AGBL4: variants seen among roughly 807,000 people sequenced by gnomAD.
AGBL4 encodes the protein cytosolic carboxypeptidase 6.
A neutral mutation model predicts 66.4 loss-of-function variants in AGBL4; 58 were observed. The ratio of observed to expected loss-of-function variants is 0.87; its 90% CI spans 0.71 to 1.09. The LOEUF is 1.09. Ranked by LOEUF, AGBL4 falls within the 50% of genes least tolerant of loss-of-function variation. The pLI, the probability that AGBL4 is intolerant of heterozygous loss-of-function variation, is 0.00. For synonymous variants in AGBL4, 234 were observed against 222.9 expected (o/e 1.05, Z -0.44); for missense variants, 579 against 631.0 (o/e 0.92, Z 0.88).
At chr1:49,323,148 T>C (rs1236304881) in intron 3 of AGBL4, among the ~76,000 whole-genome samples, 3 of 152,206 alleles carry the variant, frequency 2.0e-5, no homozygotes, top group Non-Finnish European at 4.4e-5. Context: ...TGGTCCACCA[T>C]TACAATGACT....
intron 6 of AGBL4, among the ~76,000 whole-genome samples, chr1:48,832,160 C>T (rs941725531): frequency 6.6e-6 from 1 of 152,102 alleles, no homozygotes; most frequent in African/African-American, 2.4e-5. Context: ...TCCTTGCTCC[C>T]CAGAGCCCTT....
intron 2 of AGBL4, among the ~76,000 whole-genome samples, chr1:49,816,736 G>A (rs1200678326): frequency 3.3e-5 from 5 of 152,172 alleles, no homozygotes; most frequent in Non-Finnish European, 5.9e-5. Flanking sequence ...CTAGTGACCA[G>A]GGTTTGTCTC....
chr1:48,642,373 G>C (rs1290344966), intron 8 of AGBL4, among the ~76,000 whole-genome samples: 1 of 152,170 alleles, frequency 6.6e-6, no homozygotes, highest in Non-Finnish European at 1.5e-5. Flanking sequence ...TGGGTAATGA[G>C]AGGCTTTAGA....
chr1:49,277,462 G>A (rs1205591859), intron 3 of AGBL4, among the ~76,000 whole-genome samples: 1 of 151,924 alleles, frequency 6.6e-6, no homozygotes, highest in Admixed American at 6.6e-5. Context: ...AGTCTTAGGA[G>A]GCATAAACCT....
At chr1:48,679,888 T>G (rs1646427403) in intron 6 of AGBL4, among the ~76,000 whole-genome samples, 1 of 152,256 alleles carries the variant, frequency 6.6e-6, no homozygotes, top group Non-Finnish European at 1.5e-5. Context: ...GAGGCCGCCG[T>G]GTGTCCCAGC....
At chr1:49,365,941 G>C (rs1169634073) in intron 3 of AGBL4, among the ~76,000 whole-genome samples, 1 of 152,104 alleles carries the variant, frequency 6.6e-6, no homozygotes, top group Non-Finnish European at 1.5e-5. Flanking sequence ...CTGTAAAAGA[G>C]CACTGAATGA....
chr1:48,794,670 T>G (rs1645627371), intron 6 of AGBL4, among the ~76,000 whole-genome samples: 1 of 152,196 alleles, frequency 6.6e-6, no homozygotes, highest in African/African-American at 2.4e-5. Context: ...TCAGTAATCT[T>G]TAAGTTCTTT....
intron 2 of AGBL4, among the ~76,000 whole-genome samples, chr1:49,747,020 A>T (rs376826592): frequency 6.6e-6 from 1 of 152,202 alleles, no homozygotes; most frequent in South Asian, 2.1e-4. Context: ...CTCTGCTCAC[A>T]TATCTCACAA....
intron 2 of AGBL4, among the ~76,000 whole-genome samples, chr1:49,701,183 A>G (rs1647084710): frequency 6.6e-6 from 1 of 151,950 alleles, no homozygotes; most frequent in African/African-American, 2.4e-5. Flanking sequence ...TCCCAGGTAC[A>G]TGGGAGGCTT....
intron 4 of AGBL4, among the ~76,000 whole-genome samples, chr1:49,067,816 T>A (rs1199727037): frequency 1.3e-5 from 2 of 152,226 alleles, no homozygotes; most frequent in African/African-American, 4.8e-5. Context: ...TGCAGTTTTG[T>A]TACATAGGTA....
At chr1:48,541,780 T>TA (rs1275222097) in intron 11 of AGBL4, among the ~76,000 whole-genome samples, 2 of 151,952 alleles carry the variant, frequency 1.3e-5, no homozygotes, top group African/African-American at 2.4e-5. Flanking sequence ...CAGAAAAAAA[T>TA]AAAAAAATAA....
chr1:49,023,594 A>C (rs1037093414), intron 5 of AGBL4, among the ~76,000 whole-genome samples: 3 of 152,228 alleles, frequency 2.0e-5, no homozygotes, highest in Non-Finnish European at 4.4e-5. Flanking sequence ...ATATGACAGC[A>C]CTCTACTATA....
chr1:49,948,303 TATAA>T (rs1557609307), intron 1 of AGBL4, among the ~76,000 whole-genome samples: 2 of 106,826 alleles, frequency 1.9e-5, no homozygotes, highest in South Asian at 2.7e-4. Context: ...TAAAAATATA[TATAA>T]ATATATATAT....
At chr1:49,518,161 G>A (rs1649980491) in intron 3 of AGBL4, among the ~76,000 whole-genome samples, 1 of 152,058 alleles carries the variant, frequency 6.6e-6, no homozygotes, top group African/African-American at 2.4e-5. Flanking sequence ...GTGATATAAG[G>A]ATGTTCAGGG....
chr1:49,691,324 G>T, intron 3 of AGBL4: 1 of 152,718 alleles, frequency 6.5e-6, no homozygotes, highest in Non-Finnish European at 1.5e-5. Flanking sequence ...ATGTTGAAGT[G>T]CACTATCTTC....
At position 49,720,384 on chromosome 1, in the gene AGBL4, A is replaced by T. The variant is rs79877566; in HGVS notation, c.158-22947T>A. On this transcript the variant is annotated intron_variant, in intron 2 of 13. Coordinates refer to ENST00000371839, the MANE Select transcript of AGBL4 (RefSeq NM_032785.4). ...ACACTTCAGGTCTCAAACATTTGAGATAAAATATATTCAATCTGTACTATA... is the reference window on the plus strand; with the variant it reads ...ACACTTCAGGTCTCAAACATTTGAGTTAAAATATATTCAATCTGTACTATA... Among the ~76,000 whole-genome samples the T allele has an allele frequency of 4.3e-3, 660 of 152,290 alleles. 7 individuals carry two copies. Among genetic ancestry groups the T allele is most frequent in the African/African-American group, 0.015 (618 of 41,584 alleles).
intron 5 of AGBL4, among the ~76,000 whole-genome samples, chr1:49,035,734 G>A (rs1664596293): frequency 6.6e-6 from 1 of 152,080 alleles, no homozygotes; most frequent in South Asian, 2.1e-4. Context: ...CCTGGGGTGT[G>A]TGTGTGTGTG....
chr1:49,187,237 G>A (rs1266635529), intron 4 of AGBL4: 3 of 151,876 alleles, frequency 2.0e-5, no homozygotes, highest in Non-Finnish European at 2.9e-5. Context: ...CTTGTTTCTC[G>A]TCAGCACTGC....
At chr1:48,929,755 C>T (rs1404182447) in intron 5 of AGBL4, among the ~76,000 whole-genome samples, 1 of 152,192 alleles carries the variant, frequency 6.6e-6, no homozygotes, top group Non-Finnish European at 1.5e-5. Flanking sequence ...TGTCTTGACC[C>T]ACTTCTGAAT....
Sources: allele counts gnomAD v4.1 joint callset (sites outside exome capture counted in the v4.1 genomes callset), GRCh38; gene constraint gnomAD v4.1.1; transcripts MANE v1.5; gene names NCBI Gene and HGNC (gene_info 2026-07-23, HGNC 2026-07-21).